Variants in JADE3 observed in about 807,000 individuals in gnomAD.
JADE3 encodes jade family PHD finger 3.
Under a neutral mutation model 50.1 loss-of-function variants are expected in JADE3, and 2 were observed. The observed-to-expected ratio is 0.04, with a 90% CI of 0.02 to 0.13. The LOEUF is 0.13. JADE3 is among the 10% of genes least tolerant of loss of function. The pLI is 1.00. For missense variants in JADE3, 475 were observed against 634.4 expected, an observed-to-expected ratio of 0.75 and a Z score of 2.70; for synonymous variants, 218 against 232.9, an observed-to-expected ratio of 0.94 and a Z score of 0.58.
chrX:46,954,005 C>G (rs1927062771), intron 1 of JADE3, among the ~76,000 whole-genome samples: 1 of 111,641 alleles, frequency 9.0e-6, no homozygotes, highest in African/African-American at 3.3e-5. Context: ...AATTCTATCT[C>G]CCAAGGATAA....
At chrX:46,995,632 A>G (rs917183861) in intron 3 of JADE3, among the ~76,000 whole-genome samples, 5 of 112,098 alleles carry the variant, frequency 4.5e-5, no homozygotes, top group African/African-American at 6.5e-5. Context: ...TTCAGTTCAA[A>G]AACTTTAAAA....
chrX:47,055,418 A>G (rs1170398363), intron 9 of JADE3, among the ~76,000 whole-genome samples: 1 of 110,838 alleles, frequency 9.0e-6, no homozygotes, highest in Non-Finnish European at 1.9e-5. Flanking sequence ...AGACACTCAC[A>G]TATAGCACCT....
At chrX:46,943,578 G>A (rs142899875) in intron 1 of JADE3, among the ~76,000 whole-genome samples, 3 of 111,982 alleles carry the variant, frequency 2.7e-5, no homozygotes, top group Non-Finnish European at 5.6e-5. Context: ...CTTGATCATG[G>A]TGAATTAACT....
chrX:46,973,296 G>A (rs938726124), intron 1 of JADE3, among the ~76,000 whole-genome samples: 59 of 112,167 alleles, frequency 5.3e-4, no homozygotes, highest in African/African-American at 1.9e-3. Flanking sequence ...TTTTTTGAGG[G>A]CTTTGGAAAA....
intron 1 of JADE3, among the ~76,000 whole-genome samples, chrX:46,939,490 C>G (rs782469026): frequency 1.8e-5 from 2 of 111,653 alleles, no homozygotes; most frequent in Non-Finnish European, 3.8e-5. Flanking sequence ...TGCTCTCTTT[C>G]AATGATGTGG....
intron 6 of JADE3, among the ~76,000 whole-genome samples, chrX:47,031,754 A>G (rs1929021447): frequency 9.0e-6 from 1 of 110,857 alleles, no homozygotes; most frequent in Admixed American, 9.6e-5. Flanking sequence ...GCTCCTAGGT[A>G]CTCGGGAGGC....
At chrX:46,933,164 G>T (rs1310774157) in intron 1 of JADE3, among the ~76,000 whole-genome samples, 1 of 111,499 alleles carries the variant, frequency 9.0e-6, no homozygotes, top group African/African-American at 3.3e-5. Flanking sequence ...TGTGTTGTGG[G>T]CACTGTGCTT....
chrX:47,001,030 G>T (rs1244918803), intron 4 of JADE3, among the ~76,000 whole-genome samples: 1 of 111,452 alleles, frequency 9.0e-6, no homozygotes, highest in Non-Finnish European at 1.9e-5. Flanking sequence ...ATAGTTCTTT[G>T]CCTATCATAC....
chrX:46,939,221 C>A (rs1926700441), intron 1 of JADE3, among the ~76,000 whole-genome samples: 1 of 111,186 alleles, frequency 9.0e-6, no homozygotes, highest in Non-Finnish European at 1.9e-5. Flanking sequence ...AGATTTTTTT[C>A]TTTGTATTAC....
chrX:46,977,211 C>T (rs1927645395), intron 1 of JADE3, among the ~76,000 whole-genome samples: 2 of 111,155 alleles, frequency 1.8e-5, no homozygotes, highest in Non-Finnish European at 3.8e-5. Flanking sequence ...AATACAAAAA[C>T]TAGCCAGGTG....
At chrX:46,996,006 T>C (rs781891410) in intron 3 of JADE3, among the ~76,000 whole-genome samples, 1 of 112,710 alleles carries the variant, frequency 8.9e-6, no homozygotes, top group Non-Finnish European at 1.9e-5. Flanking sequence ...GGTTGGTGGT[T>C]TCCCAGACTT....
chrX:47,048,231 A>G (rs1377943580), intron 8 of JADE3, among the ~76,000 whole-genome samples: 3 of 111,778 alleles, frequency 2.7e-5, no homozygotes, highest in Non-Finnish European at 5.6e-5. Flanking sequence ...CAAGGACCCA[A>G]GGTAAACAAA....
At chrX:46,941,561 ATC>A (rs782150568) in intron 1 of JADE3, among the ~76,000 whole-genome samples, 2 of 111,700 alleles carry the variant, frequency 1.8e-5, no homozygotes, top group South Asian at 7.4e-4. Flanking sequence ...CCTCACCAGC[ATC>A]TGTTACTTTT....
chrX:46,926,638 A>C (rs1264029676), intron 1 of JADE3, among the ~76,000 whole-genome samples: 1 of 112,069 alleles, frequency 8.9e-6, no homozygotes, highest in South Asian at 3.7e-4. Context: ...ATTACCCAAA[A>C]AATTCCTTTG....
chrX:47,038,245 T>C (rs1929176478), intron 7 of JADE3, among the ~76,000 whole-genome samples: 1 of 111,924 alleles, frequency 8.9e-6, no homozygotes, highest in Non-Finnish European at 1.9e-5. Flanking sequence ...TGAACATTGC[T>C]GCAAAAAATA....
chrX:47,050,611 G>A (rs1202659548), intron 8 of JADE3, among the ~76,000 whole-genome samples: 1 of 111,233 alleles, frequency 9.0e-6, no homozygotes, highest in Non-Finnish European at 1.9e-5. Context: ...TTTCCTAAAA[G>A]GTATTATATT....
intron 4 of JADE3, among the ~76,000 whole-genome samples, chrX:47,021,220 G>T (rs1928785911): frequency 9.0e-6 from 1 of 111,613 alleles, no homozygotes; most frequent in South Asian, 3.8e-4. Context: ...CTACAGTGTA[G>T]TCATTTGAGA....
intron 6 of JADE3, among the ~76,000 whole-genome samples, chrX:47,030,349 T>C (rs1928991081): frequency 9.0e-6 from 1 of 111,710 alleles, no homozygotes; most frequent in Non-Finnish European, 1.9e-5. Flanking sequence ...TGATACCCCT[T>C]TCTCACATAG....
At chrX:47,027,839 T>C in intron 5 of JADE3, 53 bp from the exon 6 acceptor site, 1 of 1,059,492 alleles carries the variant, frequency 9.4e-7, no homozygotes, top group Non-Finnish European at 1.3e-6. Flanking sequence ...AGTAGGTGTT[T>C]TGGGAATGAC....
Sources: gnomAD v4.1 joint callset for allele counts (sites outside exome capture counted in the v4.1 genomes callset) on GRCh38, gnomAD v4.1.1 for gene constraint, MANE v1.5 for transcripts, NCBI Gene and HGNC (gene_info 2026-07-23, HGNC 2026-07-21) for gene names.